Variants in PPP1R12B observed in about 807,000 individuals in gnomAD.
PPP1R12B encodes the protein myosin phosphatase target subunit 2.
A neutral mutation model predicts 126.1 loss-of-function variants in PPP1R12B; 76 were observed. That is an observed-to-expected ratio of 0.60 (90% CI 0.50 to 0.73). PPP1R12B has a LOEUF of 0.73. Among genes scored for constraint, PPP1R12B ranks in the 30% least tolerant of loss-of-function variants. The pLI is 0.00. For synonymous variants in PPP1R12B, 356 were observed against 434.7 expected, an observed-to-expected ratio of 0.82 and a Z score of 2.25; for missense variants, 1,052 against 1,205.1, an observed-to-expected ratio of 0.87 and a Z score of 1.88.
intron 23 of PPP1R12B, among the ~76,000 whole-genome samples, chr1:202,571,831 C>T (rs1192184018): frequency 6.6e-6 from 1 of 152,054 alleles, no homozygotes; most frequent in Admixed American, 6.6e-5. Context: ...CATTACAAAG[C>T]CAAATGAAGA....
chr1:202,475,398 A>G (rs904436373), intron 13 of PPP1R12B, among the ~76,000 whole-genome samples: 4 of 152,222 alleles, frequency 2.6e-5, no homozygotes, highest in Non-Finnish European at 1.5e-5. Context: ...ATTATGACAG[A>G]CTTTTGGGAA....
At chr1:202,433,635 C>T (rs1414713229) in intron 8 of PPP1R12B, among the ~76,000 whole-genome samples, 2 of 152,208 alleles carry the variant, frequency 1.3e-5, no homozygotes, top group Non-Finnish European at 2.9e-5. Context: ...TGCTTCTGAA[C>T]ATTTGTACCA....
Position 202,589,483 on chromosome 1 carries a change from C to T in PPP1R12B, c.*8923C>T, listed in dbSNP as rs1690024763. The T allele has an allele frequency of 6.6e-6, 1 of 152,232 alleles. No individual in the cohort carries two copies. Among genetic ancestry groups the T allele is most frequent in the African/African-American group, 2.4e-5 (1 of 41,440 alleles). The allele number at this position is 152,232 out of a possible 1,614,324, so 9.4% of individuals were successfully genotyped here. On this transcript the variant is annotated 3_prime_UTR_variant, in exon 24 of 24. Transcript: ENST00000608999. ...TCATGGTTGAAGAATTCAGTCCTGT[C>T]CTGGGGCACAAAACAGAGGCAAAGA...
chr1:202,410,666 C>T (rs1309749370), intron 1 of PPP1R12B, among the ~76,000 whole-genome samples: 4 of 152,202 alleles, frequency 2.6e-5, no homozygotes, highest in African/African-American at 9.7e-5. Context: ...TCACAGTGCT[C>T]TTTCCCCAGA....
chr1:202,510,164 C>T (rs1039420608), intron 18 of PPP1R12B, among the ~76,000 whole-genome samples: 2 of 152,102 alleles, frequency 1.3e-5, no homozygotes, highest in Non-Finnish European at 2.9e-5. Context: ...ATTATTTAGG[C>T]AGTTTATGTA....
intron 13 of PPP1R12B, among the ~76,000 whole-genome samples, chr1:202,479,132 C>T (rs1381781740): frequency 6.6e-6 from 1 of 151,810 alleles, no homozygotes; most frequent in Non-Finnish European, 1.5e-5. Context: ...CACTCAGAGG[C>T]GAGGAATATA....
chr1:202,370,563 A>T (rs1236731685), intron 1 of PPP1R12B, among the ~76,000 whole-genome samples: 2 of 150,916 alleles, frequency 1.3e-5, no homozygotes, highest in African/African-American at 4.9e-5. Flanking sequence ...TTTGAGATGG[A>T]GTCTTACTCT....
chr1:202,505,126 A>C (rs895107176), intron 18 of PPP1R12B, among the ~76,000 whole-genome samples: 2 of 152,214 alleles, frequency 1.3e-5, no homozygotes, highest in Non-Finnish European at 2.9e-5. Flanking sequence ...AATTTTGAGG[A>C]ATAAGGTTTA....
intron 18 of PPP1R12B, among the ~76,000 whole-genome samples, chr1:202,543,651 C>T (rs1366095347): frequency 6.6e-6 from 1 of 152,126 alleles, no homozygotes; most frequent in Non-Finnish European, 1.5e-5. Context: ...GCAGGAGAAT[C>T]GATTGAACCC....
intron 13 of PPP1R12B, among the ~76,000 whole-genome samples, chr1:202,450,202 T>C (rs1255853386): frequency 6.6e-6 from 1 of 152,180 alleles, no homozygotes; most frequent in East Asian, 1.9e-4. Context: ...AAACTTTTGA[T>C]TAATTTGAGA....
rs138316173 is a variant in PPP1R12B, at chr1:202,455,205, TAG to T, written c.1850+6050_1850+6051del. ...TAGGAGCTATATACATATATATATA[TAG>T]AGAGAGAGAGAGAGAATTCACATAC... is the stretch of plus-strand genomic sequence containing the variant. On this transcript the variant is annotated intron_variant, in intron 13 of 23. Coordinates refer to ENST00000608999, the MANE Select transcript of PPP1R12B (RefSeq NM_002481.4). Among the ~76,000 whole-genome samples, 497 of 150,944 alleles carry T rather than the reference TAG, an allele frequency of 3.3e-3. 1 individual carries two copies. Among genetic ancestry groups the T allele is most frequent in the Middle Eastern group, 0.014 (4 of 290 alleles).
intron 9 of PPP1R12B, among the ~76,000 whole-genome samples, chr1:202,436,962 T>C (rs1272562714): frequency 6.6e-6 from 1 of 152,136 alleles, no homozygotes; most frequent in Admixed American, 6.5e-5. Context: ...CAGTTAGAAT[T>C]TGAGTGGAGT....
rs1020407959 is a variant in PPP1R12B at position 202,581,039 on chromosome 1, T to G, written c.*479T>G. ...CAAGAGAAACAGCAGGATGTTGAAT[T>G]GATCATCAGATGCCCTCTGGAATGG... is the stretch of plus-strand genomic sequence containing the variant. On this transcript the variant is annotated 3_prime_UTR_variant, in exon 24 of 24. Transcript: ENST00000608999. The G allele has an allele frequency of 6.2e-6, 1 of 160,046 alleles. No individual in the cohort carries two copies. Among genetic ancestry groups the G allele is most frequent in the Non-Finnish European group, 1.4e-5 (1 of 71,886 alleles). 9.9% of individuals were successfully genotyped at this position (160,046 alleles called of 1,614,324 possible).
At chr1:202,571,895 C>T (rs1688646544) in intron 23 of PPP1R12B, among the ~76,000 whole-genome samples, 1 of 152,104 alleles carries the variant, frequency 6.6e-6, no homozygotes, top group Admixed American at 6.6e-5. Context: ...AAATCAAAGC[C>T]CAATGCCAGG....
At chr1:202,430,628 C>A in intron 6 of PPP1R12B, 103 bp from the exon 7 acceptor site, 2 of 1,248,052 alleles carry the variant, frequency 1.6e-6, no homozygotes, top group South Asian at 1.5e-5. Context: ...TGGTGTTGGT[C>A]CTATTTTCTT....
intron 1 of PPP1R12B, among the ~76,000 whole-genome samples, chr1:202,382,173 A>C (rs1288987853): frequency 6.6e-6 from 1 of 151,860 alleles, no homozygotes; most frequent in Non-Finnish European, 1.5e-5. Flanking sequence ...TGTGGCAAGG[A>C]CAAAAAACCA....
chr1:202,408,008 A>T (rs1332729235), intron 1 of PPP1R12B, among the ~76,000 whole-genome samples: 8 of 152,212 alleles, frequency 5.3e-5, no homozygotes, highest in Non-Finnish European at 7.3e-5. Context: ...TAATCTAGAG[A>T]TGATTTAAAG....
chr1:202,587,576 T>C lies in PPP1R12B; in HGVS notation c.*7016T>C, dbSNP rs992632800. ...TCAATCAGTGTATCAGTGCATCTGG[T>C]GGCAACAGCTCAGCCCATTCAAAGA... is the stretch of plus-strand genomic sequence containing the variant. On this transcript the variant is annotated 3_prime_UTR_variant, in exon 24 of 24. Transcript: ENST00000608999. The C allele has an allele frequency of 1.3e-5, 2 of 152,196 alleles. No individual in the cohort carries two copies. The highest frequency in any genetic ancestry group is 2.9e-5 in the Non-Finnish European group (2 of 68,064). The allele number at this position is 152,196 out of a possible 1,614,324, so 9.4% of individuals were successfully genotyped here.
At chr1:202,574,978 C>T (rs768349199) in intron 23 of PPP1R12B, 3 of 1,579,052 alleles carry the variant, frequency 1.9e-6, no homozygotes, top group South Asian at 2.2e-5. Flanking sequence ...TCTGTCTGTC[C>T]TTTTCATGTC....
Sources: allele counts gnomAD v4.1 joint callset (sites outside exome capture counted in the v4.1 genomes callset), GRCh38; gene constraint gnomAD v4.1.1; transcripts MANE v1.5; gene names NCBI Gene and HGNC (gene_info 2026-07-23, HGNC 2026-07-21).